Variants in ANGPT1 observed in about 807,000 individuals in gnomAD.
ANGPT1 encodes the protein angiopoietin 1.
Under a neutral mutation model 62.2 loss-of-function variants are expected in ANGPT1, and 17 were observed. The ratio of observed to expected loss-of-function variants is 0.27; its 90% confidence interval spans 0.19 to 0.41. The LOEUF is 0.41. Among genes scored for constraint, ANGPT1 ranks in the 10% least tolerant of loss-of-function variants. ANGPT1 has a pLI of 1.00. For missense variants in ANGPT1, 478 were observed against 594.9 expected, an observed-to-expected ratio of 0.80 and a Z score of 2.04; for synonymous variants, 199 against 198.9, an observed-to-expected ratio of 1.00 and a Z score of 0.00.
At chr8:107,442,754 A>G (rs1005342632) in intron 1 of ANGPT1, among the ~76,000 whole-genome samples, 1 of 152,264 alleles carries the variant, frequency 6.6e-6, no homozygotes, top group Non-Finnish European at 1.5e-5. Flanking sequence ...GTGCACACAC[A>G]AACTAAATCT....
intron 6 of ANGPT1, among the ~76,000 whole-genome samples, chr8:107,288,083 A>T (rs181827552): frequency 6.6e-6 from 1 of 152,270 alleles, no homozygotes; most frequent in East Asian, 1.9e-4. Context: ...TGGGTCTTGT[A>T]TTAGCCCAAA....
intron 1 of ANGPT1, among the ~76,000 whole-genome samples, chr8:107,456,400 T>G (rs193243198): frequency 7.9e-4 from 120 of 152,212 alleles, no homozygotes; most frequent in African/African-American, 2.7e-3. Context: ...AAAGTCCTGT[T>G]CTAAAAATTG....
chr8:107,271,186 G>A lies in ANGPT1; in HGVS notation c.1206-6835C>T, dbSNP rs988725827. On this transcript the variant is annotated intron_variant, in intron 7 of 8. Coordinates refer to ENST00000517746, the MANE Select transcript of ANGPT1 (RefSeq NM_001146.5). The stretch of plus-strand genomic sequence containing the variant: ...AGCATGACATCACAGAGTTTGTAGT[G>A]TACCTGTTTGGGTTTGCAATCTAGC... 2.1e-4 allele frequency among the ~76,000 whole-genome samples: 32 copies of A among 152,096 alleles called. 1 individual carries two copies. Among genetic ancestry groups the A allele is most frequent in the Admixed American group, 2.0e-3 (31 of 15,248 alleles).
chr8:107,436,455 T>G (rs1811336648), intron 1 of ANGPT1, among the ~76,000 whole-genome samples: 1 of 152,202 alleles, frequency 6.6e-6, no homozygotes, highest in Admixed American at 6.5e-5. Flanking sequence ...TTAGCTTAGT[T>G]CTTTCCTCTT....
At chr8:107,481,947 G>T (rs1341325266) in intron 1 of ANGPT1, among the ~76,000 whole-genome samples, 3 of 152,120 alleles carry the variant, frequency 2.0e-5, no homozygotes, top group Non-Finnish European at 4.4e-5. Context: ...TGATATTTGG[G>T]TGGGGGCACA....
At chr8:107,392,777 T>C (rs1456854170) in intron 1 of ANGPT1, among the ~76,000 whole-genome samples, 1 of 152,188 alleles carries the variant, frequency 6.6e-6, no homozygotes, top group Non-Finnish European at 1.5e-5. Context: ...TAGTTTCATA[T>C]GTGGTATAAT....
At chr8:107,277,084 A>C (rs1813883973) in intron 7 of ANGPT1, among the ~76,000 whole-genome samples, 1 of 152,226 alleles carries the variant, frequency 6.6e-6, no homozygotes, top group Admixed American at 6.5e-5. Flanking sequence ...TAAGATTATA[A>C]TGACAAGATG....
chr8:107,307,589 T>C (rs979850772), intron 4 of ANGPT1, among the ~76,000 whole-genome samples: 1 of 152,140 alleles, frequency 6.6e-6, no homozygotes, highest in African/African-American at 2.4e-5. Context: ...GCGTTTTTTG[T>C]TGACCTCTCC....
chr8:107,402,339 G>A lies in ANGPT1; in HGVS notation c.298-55242C>T, dbSNP rs1207242040. On this transcript the variant is annotated intron_variant, in intron 1 of 8. Transcript: ENST00000517746. ...TGCAGCAAAAAGATAAATAACAGAT[G>A]CAAAGGCAAACCGAGTGGATCCTAG... is the stretch of plus-strand genomic sequence containing the variant. 2.6e-5 allele frequency among the ~76,000 whole-genome samples: 4 copies of A among 152,274 alleles called. No homozygotes were observed. The East Asian group carries it at 7.7e-4, about 29-fold the overall frequency.
At chr8:107,491,196 G>A (rs1173763589) in intron 1 of ANGPT1, among the ~76,000 whole-genome samples, 1 of 152,016 alleles carries the variant, frequency 6.6e-6, no homozygotes. Context: ...CAAGACAGGT[G>A]CATCATGTAC....
At position 107,464,207 on chromosome 8, in the gene ANGPT1, G is replaced by T. The variant is rs115382031; in HGVS notation, c.297+33055C>A. Reference sequence around the variant, plus strand: ...TGATAAGAGCATCCACTTCACATGAGGATTAGAGGAGATAATACACATATA... The same window carrying T: ...TGATAAGAGCATCCACTTCACATGATGATTAGAGGAGATAATACACATATA... On this transcript the variant is annotated intron_variant, in intron 1 of 8. Coordinates refer to ENST00000517746, the MANE Select transcript of ANGPT1 (RefSeq NM_001146.5). 5.1e-3 allele frequency among the ~76,000 whole-genome samples: 776 copies of T among 152,170 alleles called. 6 individuals are homozygous for T. Among genetic ancestry groups the T allele is most frequent in the African/African-American group, 0.018 (752 of 41,544 alleles).
intron 1 of ANGPT1, among the ~76,000 whole-genome samples, chr8:107,431,929 C>T (rs562580194): frequency 1.3e-5 from 2 of 152,216 alleles, no homozygotes; most frequent in South Asian, 2.1e-4. Flanking sequence ...TATTACCAGC[C>T]TCAATATTTT....
At chr8:107,462,493 G>T (rs1360344820) in intron 1 of ANGPT1, among the ~76,000 whole-genome samples, 1 of 151,816 alleles carries the variant, frequency 6.6e-6, no homozygotes. Flanking sequence ...AAATCCAGGG[G>T]TTGAATGCAT....
At chr8:107,297,011 C>T (rs10107444) in intron 5 of ANGPT1, among the ~76,000 whole-genome samples, 5,783 of 148,048 alleles carry the variant, frequency 0.039, 231 homozygotes, top group African/African-American at 0.095. Flanking sequence ...GGCATCTTAG[C>T]TTTTAAATCA....
intron 1 of ANGPT1, among the ~76,000 whole-genome samples, chr8:107,441,994 G>A (rs571435253): frequency 6.6e-6 from 1 of 152,216 alleles, no homozygotes; most frequent in African/African-American, 2.4e-5. Flanking sequence ...TGATGCAGGA[G>A]AATCGGTTGA....
intron 1 of ANGPT1, among the ~76,000 whole-genome samples, chr8:107,354,810 A>T (rs1260953057): frequency 6.6e-6 from 1 of 152,036 alleles, no homozygotes; most frequent in Non-Finnish European, 1.5e-5. Flanking sequence ...TTTTTATCAC[A>T]GTGAACGGCA....
chr8:107,427,708 T>C (rs1384749607), intron 1 of ANGPT1, among the ~76,000 whole-genome samples: 1 of 152,204 alleles, frequency 6.6e-6, no homozygotes. Flanking sequence ...TCTGTATGAA[T>C]GGTGGATTGT....
intron 1 of ANGPT1, among the ~76,000 whole-genome samples, chr8:107,395,403 C>T (rs1816915980): frequency 6.6e-6 from 1 of 152,106 alleles, no homozygotes; most frequent in Non-Finnish European, 1.5e-5. Flanking sequence ...CATTTACTTC[C>T]ATGTTTCCAT....
At chr8:107,313,735 G>A (rs10955448) in intron 4 of ANGPT1, among the ~76,000 whole-genome samples, 21,865 of 151,556 alleles carry the variant, frequency 0.14, 1,825 homozygotes, top group East Asian at 0.35. Flanking sequence ...GAGCCACCAC[G>A]ACTGGCCAAA....
Sources: gnomAD v4.1 joint callset for allele counts (sites outside exome capture counted in the v4.1 genomes callset) on GRCh38, gnomAD v4.1.1 for gene constraint, MANE v1.5 for transcripts, NCBI Gene and HGNC (gene_info 2026-07-23, HGNC 2026-07-21) for gene names.